The following TRIO variants were observed in gnomAD, a reference collection of about 807,000 sequenced individuals.
The protein encoded by TRIO is trio Rho guanine nucleotide exchange factor, also known as triple functional domain protein.
Under a neutral mutation model 351.9 loss-of-function variants are expected in TRIO, and 58 were observed. That is an observed-to-expected ratio of 0.16 (90% CI 0.13 to 0.21). The LOEUF is 0.21. Among genes scored for constraint, TRIO ranks in the 10% least tolerant of loss-of-function variants. The pLI is 1.00. For synonymous variants in TRIO, 1,758 were observed against 1,595.7 expected, an observed-to-expected ratio of 1.10 and a Z score of -2.42; for missense variants, 3,201 against 4,027.8, an observed-to-expected ratio of 0.79 and a Z score of 5.56.
intron 49 of TRIO, among the ~76,000 whole-genome samples, chr5:14,495,415 A>G (rs1209593592): frequency 6.6e-6 from 1 of 152,186 alleles, no homozygotes; most frequent in Non-Finnish European, 1.5e-5. Context: ...ATTGATTCCA[A>G]TTTCCAAAGA....
chr5:14,194,041 C>T (rs549680581), intron 1 of TRIO, among the ~76,000 whole-genome samples: 1 of 152,284 alleles, frequency 6.6e-6, no homozygotes, highest in African/African-American at 2.4e-5. Context: ...CCTGTCCAAA[C>T]CCTCCATGCA....
At chr5:14,214,573 G>C (rs1157607677) in intron 1 of TRIO, among the ~76,000 whole-genome samples, 1 of 152,182 alleles carries the variant, frequency 6.6e-6, no homozygotes, top group Non-Finnish European at 1.5e-5. Context: ...AAATCTACCG[G>C]ATGTTATTAG....
intron 1 of TRIO, among the ~76,000 whole-genome samples, chr5:14,144,512 G>A (rs1449398035): frequency 1.3e-5 from 2 of 152,144 alleles, no homozygotes; most frequent in Non-Finnish European, 2.9e-5. Context: ...GCTGAAGCTC[G>A]GAGGACCGGG....
chr5:14,419,669 C>G (rs1749950462), intron 33 of TRIO, 109 bp from the exon 34 acceptor site: 2 of 1,469,534 alleles, frequency 1.4e-6, no homozygotes, highest in African/African-American at 1.4e-5. Context: ...GCACTCAGCT[C>G]ACTCCGGGGC....
At chr5:14,201,035 T>A (rs1443831213) in intron 1 of TRIO, among the ~76,000 whole-genome samples, 2 of 152,110 alleles carry the variant, frequency 1.3e-5, no homozygotes, top group East Asian at 1.9e-4. Flanking sequence ...AGACAGGCAG[T>A]TCACCTGAGG....
intron 54 of TRIO, among the ~76,000 whole-genome samples, chr5:14,503,155 G>A (rs1037838021): frequency 2.6e-5 from 4 of 152,236 alleles, no homozygotes; most frequent in East Asian, 3.8e-4. Context: ...CAGACAGCCC[G>A]GCTTCTCTTG....
At chr5:14,195,343 G>T (rs547940782) in intron 1 of TRIO, among the ~76,000 whole-genome samples, 2 of 152,260 alleles carry the variant, frequency 1.3e-5, no homozygotes, top group East Asian at 3.9e-4. Context: ...TGTGATGTGG[G>T]TGGGAATACT....
At chr5:14,367,033 A>C (rs1579444485) in intron 16 of TRIO, 54 bp downstream of exon 16, 1 of 1,606,122 alleles carries the variant, frequency 6.2e-7, no homozygotes, top group East Asian at 2.2e-5. Context: ...CAGGACAAAC[A>C]TCCTGAATCC....
chr5:14,146,772 C>T (rs990745525), intron 1 of TRIO, among the ~76,000 whole-genome samples: 3 of 152,190 alleles, frequency 2.0e-5, no homozygotes, highest in African/African-American at 7.2e-5. Flanking sequence ...GTCCTCAGTG[C>T]CTAATCATTG....
In TRIO at chr5:14,500,761, G is replaced by A. The variant is rs181504500; in HGVS notation, c.8333-1818G>A. ...AAATTAGCTGGGTGTGGTGGTGTGC[G>A]CGTGTGGTCCCAACTACTCTGGAGG... On this transcript the variant is annotated intron_variant, in intron 53 of 56. Coordinates refer to ENST00000344204, the MANE Select transcript of TRIO (RefSeq NM_007118.4). 1.4e-3 allele frequency among the ~76,000 whole-genome samples: 215 copies of A among 152,090 alleles called. 1 individual carries two copies. Among genetic ancestry groups the A allele is most frequent in the South Asian group, 4.4e-3 (21 of 4,814 alleles).
At chr5:14,184,003 G>A in intron 1 of TRIO, 1 of 697,596 alleles carries the variant, frequency 1.4e-6, no homozygotes, top group South Asian at 1.5e-5. Flanking sequence ...TTCTTATTTT[G>A]GCTCTCTGAT....
intron 37 of TRIO, among the ~76,000 whole-genome samples, chr5:14,469,986 C>G (rs1313117695): frequency 1.3e-5 from 2 of 152,220 alleles, no homozygotes; most frequent in African/African-American, 2.4e-5. Context: ...AACATCCTCC[C>G]TTCGCTCTCA....
intron 34 of TRIO, among the ~76,000 whole-genome samples, chr5:14,450,285 A>G (rs1752764123): frequency 6.6e-6 from 1 of 152,232 alleles, no homozygotes; most frequent in Non-Finnish European, 1.5e-5. Context: ...TCTCATTTTC[A>G]TAATTCACAA....
In TRIO at chr5:14,461,069, T is replaced by A. The variant is rs542199264; in HGVS notation, c.5254T>A (p.Ser1752Thr). Residue 1752 changes from serine to threonine, a missense_variant, in exon 35 of 57, where the codon TCC (serine) becomes ACC (threonine). Coordinates refer to ENST00000344204, the MANE Select transcript of TRIO (RefSeq NM_007118.4). Reference sequence around the variant, plus strand: ...CGCCAGTCCACCCGCATCCGTGGCTTCCCTCCAGCCCCACATGATCGGGGC... The same window carrying A: ...CGCCAGTCCACCCGCATCCGTGGCTACCCTCCAGCCCCACATGATCGGGGC... ...NDASPPASVA[S>T]LQPHMIGAQS... 11 of 1,578,236 alleles carry A rather than the reference T, an allele frequency of 7.0e-6. No individual in the cohort carries two copies. In the East Asian group the frequency reaches 2.4e-4, roughly 34 times the overall value.
chr5:14,456,673 C>T (rs2126468394), intron 34 of TRIO, among the ~76,000 whole-genome samples: 1 of 152,312 alleles, frequency 6.6e-6, no homozygotes, highest in East Asian at 1.9e-4. Context: ...TTAAGATCTT[C>T]CCATGGAGAC....
intron 28 of TRIO, 66 bp downstream of exon 28, chr5:14,394,196 A>C: frequency 9.8e-7 from 1 of 1,023,558 alleles, no homozygotes; most frequent in Non-Finnish European, 1.4e-6. Flanking sequence ...CATTTACTAT[A>C]TATTTATATA....
chr5:14,222,011 G>A (rs1221119617), intron 1 of TRIO, among the ~76,000 whole-genome samples: 1 of 152,052 alleles, frequency 6.6e-6, no homozygotes, highest in East Asian at 1.9e-4. Flanking sequence ...AGAAATTGCC[G>A]CAGCCACCCC....
chr5:14,267,683 C>T (rs1162727301), intron 1 of TRIO, among the ~76,000 whole-genome samples: 6 of 152,056 alleles, frequency 3.9e-5, no homozygotes, highest in Non-Finnish European at 5.9e-5. Flanking sequence ...TGGGTTCTTC[C>T]TGCTTTTTAT....
At position 14,169,677 on chromosome 5, in the gene TRIO, A is replaced by G. The variant is rs188242861; in HGVS notation, c.157+25795A>G. Among the ~76,000 whole-genome samples the G allele has an allele frequency of 3.9e-5, 6 of 152,304 alleles. No individual in the cohort carries two copies. In the East Asian group the frequency reaches 1.2e-3, roughly 29 times the overall value. On this transcript the variant is annotated intron_variant, in intron 1 of 56. Transcript: ENST00000344204. ...GCAGTGGTGGTAATAAAATTGTTTT[A>G]AACCTCTTAATTATGGTTTTTCATG...
Sources: allele counts gnomAD v4.1 joint callset (sites outside exome capture counted in the v4.1 genomes callset), GRCh38; gene constraint gnomAD v4.1.1; transcripts MANE v1.5; gene names NCBI Gene and HGNC (gene_info 2026-07-23, HGNC 2026-07-21).